GPRIN3: variants seen among roughly 807,000 people sequenced by gnomAD.
GPRIN3 encodes G protein-regulated inducer of neurite outgrowth 3.
A neutral mutation model predicts 13.7 loss-of-function variants in GPRIN3; 12 were observed. That is an observed-to-expected ratio of 0.87 (90% CI 0.56 to 1.42). The LOEUF is 1.42. GPRIN3 is among the 40% of genes most tolerant of loss of function. The pLI is 0.00. For missense variants in GPRIN3, 1,009 were observed against 958.7 expected, an observed-to-expected ratio of 1.05 and a Z score of -0.69; for synonymous variants, 377 against 372.7, an observed-to-expected ratio of 1.01 and a Z score of -0.13.
intron 1 of GPRIN3, among the ~76,000 whole-genome samples, chr4:89,253,879 G>A (rs1382701490): frequency 1.3e-5 from 2 of 152,116 alleles, no homozygotes; most frequent in Non-Finnish European, 2.9e-5. Flanking sequence ...GAAGAGACTC[G>A]CCGAAGTTCT....
intron 1 of GPRIN3, among the ~76,000 whole-genome samples, chr4:89,283,313 T>C (rs1346786157): frequency 1.3e-5 from 2 of 152,172 alleles, no homozygotes; most frequent in Non-Finnish European, 2.9e-5. Context: ...CTTCAGAAGC[T>C]CACATCCACT....
chr4:89,251,700 G>C (rs1216169886), intron 1 of GPRIN3, among the ~76,000 whole-genome samples: 1 of 152,154 alleles, frequency 6.6e-6, no homozygotes, highest in African/African-American at 2.4e-5. Context: ...CCAGAAAACA[G>C]CATATACATT....
intron 1 of GPRIN3, among the ~76,000 whole-genome samples, chr4:89,273,710 A>C (rs770921019): frequency 8.5e-5 from 13 of 152,116 alleles, no homozygotes; most frequent in Non-Finnish European, 1.9e-4. Flanking sequence ...CAAACAAACA[A>C]ACACATGCCT....
chr4:89,290,129 C>G (rs1285475877), intron 1 of GPRIN3, among the ~76,000 whole-genome samples: 1 of 151,476 alleles, frequency 6.6e-6, no homozygotes, highest in Non-Finnish European at 1.5e-5. Context: ...TGTCACCATG[C>G]CCGGCTAATT....
At chr4:89,261,752 A>C (rs919387294) in intron 1 of GPRIN3, among the ~76,000 whole-genome samples, 2 of 152,222 alleles carry the variant, frequency 1.3e-5, no homozygotes, top group Non-Finnish European at 2.9e-5. Context: ...GTTAGTTATA[A>C]AAATTATGCT....
chr4:89,271,124 G>A (rs1723938866), intron 1 of GPRIN3, among the ~76,000 whole-genome samples: 1 of 152,132 alleles, frequency 6.6e-6, no homozygotes, highest in African/African-American at 2.4e-5. Flanking sequence ...TATGCTCTAG[G>A]TGCTTTTATG....
intron 1 of GPRIN3, among the ~76,000 whole-genome samples, chr4:89,276,440 G>A (rs1724096248): frequency 6.6e-6 from 1 of 152,130 alleles, no homozygotes; most frequent in East Asian, 1.9e-4. Context: ...CCTAGATTTT[G>A]AATTTTGCTT....
chr4:89,275,577 C>T (rs1429652052), intron 1 of GPRIN3, among the ~76,000 whole-genome samples: 1 of 152,192 alleles, frequency 6.6e-6, no homozygotes, highest in East Asian at 1.9e-4. Context: ...AAGATCTGCT[C>T]TGGCAGTTTG....
At position 89,276,808 on chromosome 4, in the gene GPRIN3, G is replaced by C. The variant is rs1302284339; in HGVS notation, c.-123-26575C>G. Among the ~76,000 whole-genome samples, 2 of 152,142 alleles carry C rather than the reference G, an allele frequency of 1.3e-5. 1 individual carries two copies. Among genetic ancestry groups the C allele is most frequent in the African/African-American group, 4.8e-5 (2 of 41,436 alleles). Reference sequence around the variant, plus strand: ...CTGTGGAGGGGACAATGTTGGCTGGGTGGTGCTTCACCTACTGAGAATCTA... The same window carrying C: ...CTGTGGAGGGGACAATGTTGGCTGGCTGGTGCTTCACCTACTGAGAATCTA... On this transcript the variant is annotated intron_variant, in intron 1 of 1. Coordinates refer to ENST00000609438, the MANE Select transcript of GPRIN3 (RefSeq NM_198281.3).
chr4:89,261,484 T>C (rs1481548385), intron 1 of GPRIN3, among the ~76,000 whole-genome samples: 2 of 152,172 alleles, frequency 1.3e-5, no homozygotes, highest in African/African-American at 4.8e-5. Context: ...CTTAATGATA[T>C]AGTTTTCGGC....
Position 89,249,392 on chromosome 4 carries a change from C to T in GPRIN3, c.719G>A (p.Arg240Lys), listed in dbSNP as rs141124181. 3.2e-5 allele frequency: 52 copies of T among 1,614,140 alleles called. No individual in the cohort carries two copies. In the East Asian group the frequency reaches 7.8e-4, roughly 24 times the overall value. Reference sequence around the variant, plus strand: ...CTTGTTCTCTGAACATCCAGATTCTCTAGTTAGAGGTTTACAGGACCTCAT... The same window carrying T: ...CTTGTTCTCTGAACATCCAGATTCTTTAGTTAGAGGTTTACAGGACCTCAT... Reference protein sequence around the residue: ...SEMRSCKPLTRESGCSENKQP... With the variant: ...SEMRSCKPLTKESGCSENKQP... The change falls in exon 2 of 2, where the codon AGA becomes AAA. Residue 240 changes from arginine (R) to lysine (K), a missense_variant. By Grantham distance (26) the Arg-to-Lys change is conservative. Coordinates refer to ENST00000609438, the MANE Select transcript of GPRIN3 (RefSeq NM_198281.3).
At chr4:89,257,935 A>G (rs781486044) in intron 1 of GPRIN3, among the ~76,000 whole-genome samples, 1 of 152,102 alleles carries the variant, frequency 6.6e-6, no homozygotes. Flanking sequence ...TGAGAAGTTG[A>G]TGAAAACCAT....
chr4:89,276,172 A>G (rs1475504951), intron 1 of GPRIN3, among the ~76,000 whole-genome samples: 2 of 152,228 alleles, frequency 1.3e-5, no homozygotes, highest in Admixed American at 1.3e-4. Context: ...TAGACCAACC[A>G]TTCTTTAACA....
At chr4:89,259,841 C>T (rs1442581035) in intron 1 of GPRIN3, among the ~76,000 whole-genome samples, 1 of 152,172 alleles carries the variant, frequency 6.6e-6, no homozygotes, top group Non-Finnish European at 1.5e-5. Context: ...AGGCTGAGAG[C>T]TTATTGGTAA....
intron 1 of GPRIN3, among the ~76,000 whole-genome samples, chr4:89,282,270 T>C (rs755090598): frequency 1.3e-5 from 2 of 152,220 alleles, no homozygotes; most frequent in Non-Finnish European, 2.9e-5. Flanking sequence ...TATTTTACTG[T>C]TTTGAATAGT....
Position 89,249,910 on chromosome 4 carries a change from C to T in GPRIN3, c.201G>A (p.Gln67=). The T allele has an allele frequency of 6.2e-7, 1 of 1,614,200 alleles. No homozygotes were observed. Among genetic ancestry groups the T allele is most frequent in the Non-Finnish European group, 8.5e-7 (1 of 1,180,016 alleles). The change falls in exon 2 of 2, where the codon CAG becomes CAA. Residue 67 remains glutamine, a synonymous_variant. Transcript: ENST00000609438. ...GTTGGGTGGTCTCATGCTCACAAAC[C>T]TGCATCAGGGCTTCGGCAGCTGCCC... ...SPRAAAEALM[Q]VCEHETTQPD...
At chr4:89,277,568 C>T (rs527905796) in intron 1 of GPRIN3, among the ~76,000 whole-genome samples, 122 of 152,342 alleles carry the variant, frequency 8.0e-4, no homozygotes, top group Non-Finnish European at 1.3e-3. Flanking sequence ...ATGTCTTCCC[C>T]GTCTGCCAAC....
chr4:89,259,252 G>C (rs1267073595), intron 1 of GPRIN3, among the ~76,000 whole-genome samples: 2 of 152,106 alleles, frequency 1.3e-5, no homozygotes, highest in East Asian at 3.9e-4. Flanking sequence ...TAAAAAACTT[G>C]AACTCTTCTC....
rs1722819567 is a variant in GPRIN3, at chr4:89,237,673, A to C, written c.*10107T>G. The C allele has an allele frequency of 6.6e-6, 1 of 152,230 alleles. No individual in the cohort carries two copies. The highest frequency in any genetic ancestry group is 1.5e-5 in the Non-Finnish European group (1 of 68,044). The allele number at this position is 152,230 out of a possible 1,614,324, so 9.4% of individuals were successfully genotyped here. On this transcript the variant is annotated 3_prime_UTR_variant, in exon 2 of 2. Transcript: ENST00000609438. ...AATTTATTTACAAGCCTCCCAGTTT[A>C]TGATACTTTATTATAGCAGCCCAGA... is the stretch of plus-strand genomic sequence containing the variant.
Sources: gnomAD v4.1 joint callset for allele counts (sites outside exome capture counted in the v4.1 genomes callset) on GRCh38, gnomAD v4.1.1 for gene constraint, MANE v1.5 for transcripts, NCBI Gene and HGNC (gene_info 2026-07-23, HGNC 2026-07-21) for gene names.